The following P2RY8 variants were observed in gnomAD, a reference collection of about 807,000 sequenced individuals.
P2RY8 encodes P2Y receptor family member 8.
P2RY8 carries 6 observed loss-of-function variants against 10.0 expected under a neutral mutation model. The observed-to-expected ratio is 0.60, with a 90% CI of 0.33 to 1.19. The LOEUF (loss-of-function observed/expected upper bound fraction) is 1.19, where lower values mean the gene tolerates loss of function less well. Ranked by LOEUF, P2RY8 falls within the 50% of genes most tolerant of loss-of-function variation. P2RY8 has a pLI of 0.04. For missense variants in P2RY8, 456 were observed against 542.0 expected, an observed-to-expected ratio of 0.84 and a Z score of 1.58; for synonymous variants, 276 against 252.5, an observed-to-expected ratio of 1.09 and a Z score of -0.88.
In P2RY8 at chrX:1,464,335, C is replaced by A. The variant is rs771586522; in HGVS notation, c.*1144G>T. ...CGTGTAGAAGAAGACAGACAAAGAC[C>A]CAGCCTGCTCACCACCCACACAGCA... On this transcript the variant is annotated 3_prime_UTR_variant, in exon 2 of 2. Transcript: ENST00000381297. 8.6e-6 allele frequency: 2 copies of A among 233,574 alleles called. No homozygotes were observed. The highest frequency in any genetic ancestry group is 1.8e-4 in the South Asian group (1 of 5,532). The allele number at this position is 233,574 out of a possible 1,614,324, so 14.5% of individuals were successfully genotyped here. A position where few individuals can be genotyped will look rare whatever the true frequency, so the allele number is the denominator to read the frequency against.
intron 1 of P2RY8, among the ~76,000 whole-genome samples, chrX:1,498,665 G>A (rs1166769094): frequency 4.0e-5 from 6 of 149,260 alleles, no homozygotes; most frequent in Admixed American, 6.7e-5. Context: ...TTACAGGCAC[G>A]CGCCACCATG....
rs539376483 is a variant in P2RY8, at chrX:1,478,273, G to GTGTGCA, written c.-24-11692_-24-11691insTGCACA. Among the ~76,000 whole-genome samples the GTGTGCA allele has an allele frequency of 1.7e-3, 227 of 133,636 alleles. 1 individual carries two copies. Among genetic ancestry groups the GTGTGCA allele is most frequent in the South Asian group, 0.016 (71 of 4,394 alleles). The allele number at this position is 133,636 out of a possible 152,430, so 87.7% of individuals were successfully genotyped here. ...TATGTGTGTGTGTGTGTGTGTGTGT[G>GTGTGCA]CCCAGCAGGGAAGCAGAAATTATTA... On this transcript the variant is annotated intron_variant, in intron 1 of 1. Coordinates refer to ENST00000381297, the MANE Select transcript of P2RY8 (RefSeq NM_178129.5).
chrX:1,492,269 TAG>T (rs1337339341), intron 1 of P2RY8, among the ~76,000 whole-genome samples: 1 of 152,130 alleles, frequency 6.6e-6, no homozygotes, highest in Non-Finnish European at 1.5e-5. Flanking sequence ...CCTGGCCAGT[TAG>T]GGGGCCACCC....
chrX:1,510,708 T>A (rs1425476141), intron 1 of P2RY8, among the ~76,000 whole-genome samples: 1 of 151,866 alleles, frequency 6.6e-6, no homozygotes, highest in Non-Finnish European at 1.5e-5. Context: ...TGAAACCCTA[T>A]CTCTACTAAA....
chrX:1,467,217 C>G (rs1278074132), intron 1 of P2RY8, among the ~76,000 whole-genome samples: 1 of 152,180 alleles, frequency 6.6e-6, no homozygotes, highest in African/African-American at 2.4e-5. Context: ...GGAGACCAAC[C>G]CGCAGCCTCC....
intron 1 of P2RY8, among the ~76,000 whole-genome samples, chrX:1,524,654 C>T (rs2092423569): frequency 1.1e-5 from 1 of 88,822 alleles, no homozygotes; most frequent in African/African-American, 4.1e-5. Context: ...TACATCCATC[C>T]ATCCATCCAT....
intron 1 of P2RY8, among the ~76,000 whole-genome samples, chrX:1,489,071 T>C (rs768908109): frequency 1.2e-4 from 18 of 150,054 alleles, no homozygotes; most frequent in Admixed American, 6.0e-4. Context: ...TTCCCACAAA[T>C]GTGCAGGGAA....
In P2RY8 at chrX:1,508,681, TCATC is replaced by T. The variant is rs1335828050; in HGVS notation, c.-25+28236_-25+28239del. ...TATCCTGTATGTATTTATCTATCCA[TCATC>T]CATCCATCCATCCATCCATTCTATC... is the stretch of plus-strand genomic sequence containing the variant. On this transcript the variant is annotated intron_variant, in intron 1 of 1. Coordinates refer to ENST00000381297, the MANE Select transcript of P2RY8 (RefSeq NM_178129.5). Among the ~76,000 whole-genome samples the T allele has an allele frequency of 6.0e-3, 476 of 79,324 alleles. 10 individuals are homozygous for T. Among genetic ancestry groups the T allele is most frequent in the South Asian group, 0.019 (55 of 2,956 alleles). The allele number at this position is 79,324 out of a possible 152,430, so 52.0% of individuals were successfully genotyped here.
rs1239374651 is a variant in P2RY8 at position 1,466,054 on chromosome X, C to T, written c.505G>A (p.Ala169Thr). The change falls in exon 2 of 2, where the codon GCC (alanine) becomes ACC (threonine). Residue 169 changes from alanine (A) to threonine (T), a missense_variant. Ala to Thr is a moderately conservative substitution (Grantham distance 58). Coordinates refer to ENST00000381297, the MANE Select transcript of P2RY8 (RefSeq NM_178129.5). Reference sequence around the variant, plus strand: ...TCGAAGCAGGTGATGATGCCCAGGGCGTGCACCGGGTAGGTGAGATCGGTG... The same window carrying T: ...TCGAAGCAGGTGATGATGCCCAGGGTGTGCACCGGGTAGGTGAGATCGGTG... The part of the protein sequence containing the change: ...ARTDLTYPVH[A>T]LGIITCFDVL... The T allele has an allele frequency of 1.1e-5, 17 of 1,611,640 alleles. No homozygotes were observed. The highest frequency in any genetic ancestry group is 2.2e-5 in the East Asian group (1 of 44,880).
intron 1 of P2RY8, among the ~76,000 whole-genome samples, chrX:1,490,929 A>G (rs1362464592): frequency 1.3e-5 from 2 of 150,574 alleles, no homozygotes; most frequent in Admixed American, 6.6e-5. Context: ...GAATGAATGA[A>G]TGAATGATAC....
intron 1 of P2RY8, among the ~76,000 whole-genome samples, chrX:1,527,541 A>G (rs775635661): frequency 2.0e-5 from 3 of 151,760 alleles, no homozygotes; most frequent in Admixed American, 6.6e-5. Context: ...TCACCCATTC[A>G]TGTATCTATT....
chrX:1,486,343 A>G (rs1222748066), intron 1 of P2RY8, among the ~76,000 whole-genome samples: 1 of 152,154 alleles, frequency 6.6e-6, no homozygotes, highest in Non-Finnish European at 1.5e-5. Context: ...AGATAAACAC[A>G]ACGTGGCCCC....
At chrX:1,502,064 C>A (rs1159484436) in intron 1 of P2RY8, among the ~76,000 whole-genome samples, 1 of 152,120 alleles carries the variant, frequency 6.6e-6, no homozygotes, top group Non-Finnish European at 1.5e-5. Flanking sequence ...GCGTGTGCCA[C>A]CACATCCAGC....
chrX:1,508,703 A>ATCCATCCATCCATCCATCTATTCT lies in P2RY8; in HGVS notation c.-25+28217_-25+28218insAGAATAGATGGATGGATGGATGGA, dbSNP rs1422837174. Among the ~76,000 whole-genome samples, 9 of 50,340 alleles carry ATCCATCCATCCATCCATCTATTCT rather than the reference A, an allele frequency of 1.8e-4. 1 individual carries two copies. The highest frequency in any genetic ancestry group is 5.5e-4 in the African/African-American group (9 of 16,430). The allele number at this position is 50,340 out of a possible 152,430, so 33.0% of individuals were successfully genotyped here. ...CCATCATCCATCCATCCATCCATCC[A>ATCCATCCATCCATCCATCTATTCT]TTCTATCTATCTATCTATCTATCTA... On this transcript the variant is annotated intron_variant, in intron 1 of 1. Coordinates refer to ENST00000381297, the MANE Select transcript of P2RY8 (RefSeq NM_178129.5).
intron 1 of P2RY8, among the ~76,000 whole-genome samples, chrX:1,500,238 T>C (rs1467061880): frequency 2.6e-5 from 4 of 151,936 alleles, no homozygotes; most frequent in African/African-American, 9.7e-5. Flanking sequence ...GTTTTATTCT[T>C]TTTGGTGTTA....
intron 1 of P2RY8, among the ~76,000 whole-genome samples, chrX:1,532,060 A>G: frequency 6.6e-6 from 1 of 152,184 alleles, no homozygotes; most frequent in East Asian, 1.9e-4. Context: ...ACTGCTGGGT[A>G]TCTAGGTAGA....
Position 1,536,887 on chromosome X carries a change from A to T in P2RY8, c.-25+34T>A, listed in dbSNP as rs150724361. ...ACCCTGTCTTCTCCCTTGACAGTGCAGGACAAGCATAAAAGTCCAGCTCGG... is the reference window on the plus strand; with the variant it reads ...ACCCTGTCTTCTCCCTTGACAGTGCTGGACAAGCATAAAAGTCCAGCTCGG... On this transcript the variant is annotated intron_variant, in intron 1 of 1. Coordinates refer to ENST00000381297, the MANE Select transcript of P2RY8 (RefSeq NM_178129.5). The T allele has an allele frequency of 1.6e-3, 348 of 216,000 alleles. 1 individual carries two copies. Among genetic ancestry groups the T allele is most frequent in the African/African-American group, 6.5e-3 (288 of 44,322 alleles). The allele number at this position is 216,000 out of a possible 1,614,324, so 13.4% of individuals were successfully genotyped here. A position where few individuals can be genotyped will look rare whatever the true frequency, so the allele number is the denominator to read the frequency against.
chrX:1,535,552 C>T (rs1487256800), intron 1 of P2RY8, among the ~76,000 whole-genome samples: 1 of 151,834 alleles, frequency 6.6e-6, no homozygotes, highest in Non-Finnish European at 1.5e-5. Context: ...AGGAACGGAA[C>T]GGGAAGGAGA....
At chrX:1,504,290 T>C (rs1444304172) in intron 1 of P2RY8, among the ~76,000 whole-genome samples, 1 of 147,876 alleles carries the variant, frequency 6.8e-6, no homozygotes, top group Non-Finnish European at 1.5e-5. Context: ...CACTCCAGCC[T>C]GGGCAACAGA....
Sources: gnomAD v4.1 joint callset for allele counts (sites outside exome capture counted in the v4.1 genomes callset) on GRCh38, gnomAD v4.1.1 for gene constraint, MANE v1.5 for transcripts, NCBI Gene and HGNC (gene_info 2026-07-23, HGNC 2026-07-21) for gene names.